RBFOX1: variants seen among roughly 807,000 people sequenced by gnomAD.
RBFOX1 encodes RNA binding fox-1 homolog 1.
A neutral mutation model predicts 57.7 loss-of-function variants in RBFOX1; 8 were observed. The ratio of observed to expected loss-of-function variants is 0.14; its 90% confidence interval spans 0.08 to 0.25. RBFOX1 has a LOEUF of 0.25. Ranked by LOEUF, RBFOX1 falls within the 10% of genes least tolerant of loss-of-function variation. RBFOX1 has a pLI of 1.00. For synonymous variants in RBFOX1, 326 were observed against 222.4 expected (o/e 1.47, Z -4.15); for missense variants, 611 against 548.5 (o/e 1.11, Z -1.14).
At chr16:5,494,427 C>T (rs370103425) in intron 2 of RBFOX1, among the ~76,000 whole-genome samples, 2 of 152,318 alleles carry the variant, frequency 1.3e-5, no homozygotes, top group African/African-American at 4.8e-5. Context: ...TTCTTTTGCA[C>T]ATGCCTGGAA....
chr16:6,621,036 C>T (rs931145910), intron 2 of RBFOX1, among the ~76,000 whole-genome samples: 8 of 152,328 alleles, frequency 5.3e-5, no homozygotes, highest in Admixed American at 3.9e-4. Flanking sequence ...CCTTGCATCT[C>T]TTTTAGCTCC....
chr16:7,323,913 TGGGTAGAC>T (rs1430564762), intron 4 of RBFOX1, among the ~76,000 whole-genome samples: 12 of 147,818 alleles, frequency 8.1e-5, no homozygotes, highest in African/African-American at 3.0e-4. Flanking sequence ...AGTGGATGGG[TGGGTAGAC>T]GGATGGGTGG....
chr16:6,741,419 T>C (rs1465636528), intron 3 of RBFOX1, among the ~76,000 whole-genome samples: 3 of 152,026 alleles, frequency 2.0e-5, no homozygotes, highest in African/African-American at 7.2e-5. Flanking sequence ...TACCAGCACT[T>C]TGGGAGGCTG....
chr16:6,699,214 A>C lies in RBFOX1; in HGVS notation c.-16+44564A>C, dbSNP rs552957782. 1.7e-4 allele frequency among the ~76,000 whole-genome samples: 26 copies of C among 151,864 alleles called. 1 individual carries two copies. The South Asian group carries it at 2.1e-3, about 12-fold the overall frequency. On this transcript the variant is annotated intron_variant, in intron 3 of 15. Coordinates refer to ENST00000550418, the MANE Select transcript of RBFOX1 (RefSeq NM_018723.4). The stretch of plus-strand genomic sequence containing the variant: ...CAGTATGCAAGGCAGCATATGGACT[A>C]CTGTTCTGGGACCACCTTAGCCTTG...
intron 4 of RBFOX1, among the ~76,000 whole-genome samples, chr16:7,485,305 A>G (rs1451304947): frequency 6.6e-6 from 1 of 152,244 alleles, no homozygotes; most frequent in Non-Finnish European, 1.5e-5. Flanking sequence ...CCACGCAGTG[A>G]CTATTTAATG....
intron 2 of RBFOX1, among the ~76,000 whole-genome samples, chr16:6,457,530 A>G (rs1176828229): frequency 6.6e-6 from 1 of 150,542 alleles, no homozygotes; most frequent in East Asian, 2.0e-4. Flanking sequence ...CAGGCATCTT[A>G]ACTATAACTT....
At chr16:6,337,266 G>T (rs1319932040) in intron 2 of RBFOX1, among the ~76,000 whole-genome samples, 1 of 152,136 alleles carries the variant, frequency 6.6e-6, no homozygotes, top group Middle Eastern at 3.2e-3. Flanking sequence ...CTCCTTTAAT[G>T]GTGCATTTAA....
At chr16:6,504,368 C>G (rs115909739) in intron 2 of RBFOX1, among the ~76,000 whole-genome samples, 1,585 of 152,318 alleles carry the variant, frequency 0.01, 20 homozygotes, top group East Asian at 0.027. Context: ...TTTCAGAGAT[C>G]ATTTGGGATC....
chr16:5,448,860 A>T (rs767110989), intron 1 of RBFOX1, among the ~76,000 whole-genome samples: 1 of 152,146 alleles, frequency 6.6e-6, no homozygotes, highest in Non-Finnish European at 1.5e-5. Context: ...GTCCTCGAAG[A>T]CATTTTTATT....
At chr16:7,090,776 C>T (rs1228833693) in intron 4 of RBFOX1, among the ~76,000 whole-genome samples, 3 of 152,158 alleles carry the variant, frequency 2.0e-5, no homozygotes, top group Non-Finnish European at 4.4e-5. Context: ...ACAGCCTTCC[C>T]TACGGACTTC....
chr16:7,647,120 G>A (rs989288280), intron 11 of RBFOX1, among the ~76,000 whole-genome samples: 1 of 152,126 alleles, frequency 6.6e-6, no homozygotes, highest in African/African-American at 2.4e-5. Flanking sequence ...ATTTCATCGA[G>A]TTCCATGGGA....
intron 3 of RBFOX1, among the ~76,000 whole-genome samples, chr16:6,907,285 C>T (rs1040030709): frequency 2.6e-5 from 4 of 152,162 alleles, no homozygotes; most frequent in African/African-American, 9.7e-5. Context: ...TGAGAGTCAT[C>T]TTTACCGATG....
intron 1 of RBFOX1, among the ~76,000 whole-genome samples, chr16:6,193,392 C>CTATATATATATATATATATATATATA: frequency 2.3e-5 from 1 of 43,218 alleles, no homozygotes; most frequent in African/African-American, 6.5e-5. Context: ...TATATATATA[C>CTATATATATATATATATATATATATA]TATATATATA....
At chr16:6,757,753 A>G (rs183960760) in intron 3 of RBFOX1, among the ~76,000 whole-genome samples, 1 of 152,160 alleles carries the variant, frequency 6.6e-6, no homozygotes, top group Non-Finnish European at 1.5e-5. Flanking sequence ...TGATGGTTAA[A>G]AACAATTTAT....
intron 1 of RBFOX1, among the ~76,000 whole-genome samples, chr16:6,276,631 C>T (rs936332844): frequency 1.3e-5 from 2 of 152,178 alleles, no homozygotes; most frequent in Non-Finnish European, 2.9e-5. Context: ...GCATGAGCCT[C>T]CGCGCCCGGC....
At chr16:5,733,026 C>G (rs2052440580) in intron 3 of RBFOX1, among the ~76,000 whole-genome samples, 1 of 152,112 alleles carries the variant, frequency 6.6e-6, no homozygotes, top group African/African-American at 2.4e-5. Flanking sequence ...TTTTTGAAAA[C>G]TCATCAAACC....
chr16:7,325,234 C>G (rs1369285360), intron 4 of RBFOX1, among the ~76,000 whole-genome samples: 2 of 152,180 alleles, frequency 1.3e-5, no homozygotes, highest in African/African-American at 4.8e-5. Flanking sequence ...TTATTTAAAT[C>G]TCTGGACCAC....
At chr16:6,258,444 G>A (rs192159493) in intron 1 of RBFOX1, among the ~76,000 whole-genome samples, 62 of 152,272 alleles carry the variant, frequency 4.1e-4, no homozygotes, top group Non-Finnish European at 8.1e-4. Context: ...GTGTGCACAT[G>A]AGCATGAGTG....
In RBFOX1 at chr16:6,840,887, C is replaced by CAAAA. The variant is rs1165695098; in HGVS notation, c.-16+186251_-16+186254dup. Among the ~76,000 whole-genome samples, 290 of 45,760 alleles carry CAAAA rather than the reference C, an allele frequency of 6.3e-3. 7 individuals are homozygous for CAAAA. Among genetic ancestry groups the CAAAA allele is most frequent in the African/African-American group, 0.029 (275 of 9,634 alleles). 30.0% of individuals were successfully genotyped at this position (45,760 alleles called of 152,430 possible). On this transcript the variant is annotated intron_variant, in intron 3 of 15. Transcript: ENST00000550418. ...GGGCGACGAAAGTGAGACTCTGTCT[C>CAAAA]AAAAAAAAAAAAAAAAACGAAAAAA... is the stretch of plus-strand genomic sequence containing the variant.
Sources: allele counts gnomAD v4.1 joint callset (sites outside exome capture counted in the v4.1 genomes callset), GRCh38; gene constraint gnomAD v4.1.1; transcripts MANE v1.5; gene names NCBI Gene and HGNC (gene_info 2026-07-23, HGNC 2026-07-21).